STK35: variants seen among roughly 807,000 people sequenced by gnomAD.
STK35 encodes the protein serine/threonine kinase 35.
A neutral mutation model predicts 37.3 loss-of-function variants in STK35; 17 were observed. The observed-to-expected ratio is 0.46, with a 90% CI of 0.31 to 0.68. The LOEUF (loss-of-function observed/expected upper bound fraction) is 0.68, where lower values mean the gene tolerates loss of function less well. Among genes scored for constraint, STK35 ranks in the 30% least tolerant of loss-of-function variants. The probability of loss-of-function intolerance (pLI) is 0.05; values close to 1 mark genes in which losing one functional copy is unlikely to be tolerated. For synonymous variants in STK35, 385 were observed against 319.1 expected (o/e 1.21, Z -2.20); for missense variants, 595 against 746.7 (o/e 0.80, Z 2.37).
At chr20:2,128,433 A>G (rs1985942712) in intron 3 of STK35, among the ~76,000 whole-genome samples, 1 of 152,094 alleles carries the variant, frequency 6.6e-6, no homozygotes, top group African/African-American at 2.4e-5. Context: ...AAGGTACCTG[A>G]AGGACCACTG....
intron 3 of STK35, among the ~76,000 whole-genome samples, chr20:2,123,996 CT>C (rs1467582381): frequency 2.0e-5 from 3 of 152,218 alleles, no homozygotes; most frequent in African/African-American, 7.2e-5. Context: ...CATTTACTTA[CT>C]TTCAAGTAAA....
At chr20:2,125,542 A>G (rs1985890078) in intron 3 of STK35, among the ~76,000 whole-genome samples, 1 of 152,228 alleles carries the variant, frequency 6.6e-6, no homozygotes, top group Non-Finnish European at 1.5e-5. Flanking sequence ...ATGAATTTCT[A>G]TTCTGAGGCA....
intron 3 of STK35, among the ~76,000 whole-genome samples, chr20:2,120,914 G>A (rs1438540537): frequency 6.6e-6 from 1 of 152,084 alleles, no homozygotes; most frequent in Non-Finnish European, 1.5e-5. Flanking sequence ...GGGAGGGGTG[G>A]GGATGTACTT....
chr20:2,127,210 A>G (rs944887255), intron 3 of STK35, among the ~76,000 whole-genome samples: 2 of 151,330 alleles, frequency 1.3e-5, no homozygotes, highest in African/African-American at 4.9e-5. Context: ...ATTTACTTCC[A>G]TCTTTGTGGG....
intron 2 of STK35, among the ~76,000 whole-genome samples, chr20:2,115,831 G>A (rs900507255): frequency 2.0e-5 from 3 of 150,898 alleles, no homozygotes; most frequent in Non-Finnish European, 4.4e-5. Flanking sequence ...CTGATCTACT[G>A]CCTGCCTTTT....
chr20:2,116,574 A>G lies in STK35; in HGVS notation c.893-92A>G, dbSNP rs574180782. On this transcript the variant is annotated intron_variant, in intron 2 of 3. Transcript: ENST00000381482. Reference sequence around the variant, plus strand: ...CCCTTGGAGCAGTTGTTTGTCACCAATGTCACTCTTGAATACACTGCATCC... The same window carrying G: ...CCCTTGGAGCAGTTGTTTGTCACCAGTGTCACTCTTGAATACACTGCATCC... The G allele has an allele frequency of 4.3e-4, 590 of 1,379,864 alleles. 9 individuals carry two copies. The South Asian group carries it at 7.0e-3, about 16-fold the overall frequency. 85.5% of individuals were successfully genotyped at this position (1,379,864 alleles called of 1,614,324 possible). A position where few individuals can be genotyped will look rare whatever the true frequency, so the allele number is the denominator to read the frequency against.
chr20:2,129,760 C>T (rs1025449725), intron 3 of STK35, among the ~76,000 whole-genome samples: 2 of 152,084 alleles, frequency 1.3e-5, no homozygotes, highest in African/African-American at 4.8e-5. Flanking sequence ...GAAAGGCTCT[C>T]TGAGGAGGTG....
chr20:2,135,184 A>G (rs1986065508), intron 3 of STK35, among the ~76,000 whole-genome samples: 1 of 152,206 alleles, frequency 6.6e-6, no homozygotes, highest in African/African-American at 2.4e-5. Flanking sequence ...TCCTGGGAGC[A>G]CATTCCTATG....
In STK35 at chr20:2,116,895, C is replaced by G; in HGVS notation, c.1122C>G (p.Thr374=). 1 of 1,614,192 alleles carries G rather than the reference C, an allele frequency of 6.2e-7. No homozygotes were observed. The highest frequency in any genetic ancestry group is 1.7e-5 in the Admixed American group (1 of 60,022). Residue 374 remains threonine (T), a synonymous_variant, in exon 3 of 4, where the codon ACC becomes ACG. Coordinates refer to ENST00000381482, the MANE Select transcript of STK35 (RefSeq NM_080836.4). ...DNILITERSG[T]PILKVADFGL... ...TCCTCATCACAGAGCGGTCTGGCAC[C>G]CCCATCCTCAAAGTGGCCGACTTTG...
chr20:2,144,034 A>G lies in STK35; in HGVS notation c.*288A>G. 1 of 367,004 alleles carries G rather than the reference A, an allele frequency of 2.7e-6. No individual in the cohort carries two copies. Among genetic ancestry groups the G allele is most frequent in the Non-Finnish European group, 5.2e-6 (1 of 192,772 alleles). 22.7% of individuals were successfully genotyped at this position (367,004 alleles called of 1,614,324 possible). ...AGAAGAGCAGGACACAATGCTGTGG[A>G]CAGGCACCAATTTCTTTAAAGAAAT... On this transcript the variant is annotated 3_prime_UTR_variant, in exon 4 of 4. Coordinates refer to ENST00000381482, the MANE Select transcript of STK35 (RefSeq NM_080836.4).
At chr20:2,142,920 T>C (rs1986195432) in intron 3 of STK35, among the ~76,000 whole-genome samples, 1 of 152,208 alleles carries the variant, frequency 6.6e-6, no homozygotes, top group Admixed American at 6.5e-5. Context: ...AGGCCTCCAG[T>C]AGAATAAGCC....
intron 3 of STK35, among the ~76,000 whole-genome samples, chr20:2,118,477 G>C (rs1280485532): frequency 5.3e-5 from 8 of 152,186 alleles, no homozygotes; most frequent in Non-Finnish European, 1.2e-4. Context: ...AGCTACTCGG[G>C]AGGCTGAGGC....
In STK35 at chr20:2,102,831, G is replaced by T. The variant is rs746426061; in HGVS notation, c.358G>T (p.Ala120Ser). 13 of 1,530,816 alleles carry T rather than the reference G, an allele frequency of 8.5e-6. No individual in the cohort carries two copies. Among genetic ancestry groups the T allele is most frequent in the Middle Eastern group, 3.5e-4 (2 of 5,706 alleles). The allele number at this position is 1,530,816 out of a possible 1,614,324, so 94.8% of individuals were successfully genotyped here. Reference sequence around the variant, plus strand: ...CGGACGGAGGGATGAGGCAGGGGGGGCCCGGGCAGCGCCGTTGCTGCTCCC... The same window carrying T: ...CGGACGGAGGGATGAGGCAGGGGGGTCCCGGGCAGCGCCGTTGCTGCTCCC... ...RAGRRDEAGG[A>S]RAAPLLLPPP... is the part of the protein sequence containing the mutation. Residue 120 changes from alanine to serine, a missense_variant, in exon 2 of 4, where the codon GCC (alanine) becomes TCC (serine). This residue lies in a region of STK35 where 389 missense variants were observed against 320.0 expected (regional missense o/e 1.22). Transcript: ENST00000381482.
At chr20:2,121,660 A>G (rs2122560547) in intron 3 of STK35, among the ~76,000 whole-genome samples, 1 of 152,320 alleles carries the variant, frequency 6.6e-6, no homozygotes, top group Non-Finnish European at 1.5e-5. Context: ...GGTATAGACA[A>G]GAGGAGGTCA....
In STK35 at chr20:2,143,794, C is replaced by T. The variant is rs577182446; in HGVS notation, c.*48C>T. On this transcript the variant is annotated 3_prime_UTR_variant, in exon 4 of 4. Transcript: ENST00000381482. ...CCTTCTGTCTTCCAGGTCGATTCCT[C>T]GGGACCCACAGTCTCACCACGTCTC... The T allele has an allele frequency of 2.0e-5, 8 of 397,402 alleles. 1 individual carries two copies. The highest frequency in any genetic ancestry group is 7.1e-5 in the South Asian group (4 of 56,396). 24.6% of individuals were successfully genotyped at this position (397,402 alleles called of 1,614,324 possible). A position where few individuals can be genotyped will look rare whatever the true frequency, so the allele number is the denominator to read the frequency against.
Position 2,101,838 on chromosome 20 carries a change from C to T in STK35, c.-44C>T. The T allele has an allele frequency of 7.6e-7, 1 of 1,309,096 alleles. No individual in the cohort carries two copies. Among genetic ancestry groups the T allele is most frequent in the East Asian group, 3.1e-5 (1 of 32,240 alleles). 81.1% of individuals were successfully genotyped at this position (1,309,096 alleles called of 1,614,324 possible). A position where few individuals can be genotyped will look rare whatever the true frequency, so the allele number is the denominator to read the frequency against. On this transcript the variant is annotated 5_prime_UTR_variant, in exon 1 of 4. Coordinates refer to ENST00000381482, the MANE Select transcript of STK35 (RefSeq NM_080836.4). Reference sequence around the variant, plus strand: ...GCTGCGGCTGCTCCGTCGACCTTTGCAGGACCGGGCGGTGCAGGGCTCACT... The same window carrying T: ...GCTGCGGCTGCTCCGTCGACCTTTGTAGGACCGGGCGGTGCAGGGCTCACT...
At position 2,147,890 on chromosome 20, in the gene STK35, T is replaced by G. The variant is rs115437564; in HGVS notation, c.*4144T>G. 0.068 allele frequency: 10,295 copies of G among 152,288 alleles called. 1,146 individuals are homozygous for G. Among genetic ancestry groups the G allele is most frequent in the African/African-American group, 0.23 (9,606 of 41,510 alleles). 9.4% of individuals were successfully genotyped at this position (152,288 alleles called of 1,614,324 possible). A position where few individuals can be genotyped will look rare whatever the true frequency, so the allele number is the denominator to read the frequency against. On this transcript the variant is annotated 3_prime_UTR_variant, in exon 4 of 4. Transcript: ENST00000381482. ...TACTGGCTCTGCCAAGCTGTCGTAC[T>G]GGGCTGTGGCACAGCCTTCGAGACA...
At chr20:2,137,129 GT>G (rs1375485280) in intron 3 of STK35, among the ~76,000 whole-genome samples, 8 of 152,184 alleles carry the variant, frequency 5.3e-5, no homozygotes, top group Non-Finnish European at 1.2e-4. Context: ...TTGGTTTTGT[GT>G]TTTTTTGGAT....
intron 3 of STK35, among the ~76,000 whole-genome samples, chr20:2,136,044 G>A (rs1375544217): frequency 6.6e-6 from 1 of 152,100 alleles, no homozygotes; most frequent in Non-Finnish European, 1.5e-5. Flanking sequence ...AAACCATAGT[G>A]CTCCAGTCAT....
Sources: allele counts gnomAD v4.1 joint callset (sites outside exome capture counted in the v4.1 genomes callset), GRCh38; gene constraint gnomAD v4.1.1; regional missense constraint gnomAD v4.1.1; transcripts MANE v1.5; gene names NCBI Gene and HGNC (gene_info 2026-07-23, HGNC 2026-07-21).